Variants in PDE1C observed in about 807,000 individuals in gnomAD.
The protein encoded by PDE1C is phosphodiesterase 1C, also known as dual specificity calcium/calmodulin-dependent 3',5'-cyclic nucleotide phosphodiesterase 1C.
Under a neutral mutation model 93.1 loss-of-function variants are expected in PDE1C, and 62 were observed. That is an observed-to-expected ratio of 0.67 (90% CI 0.54 to 0.82). The LOEUF (loss-of-function observed/expected upper bound fraction) is 0.82. Ranked by LOEUF, PDE1C falls within the 40% of genes least tolerant of loss-of-function variation. The probability of loss-of-function intolerance (pLI) is 0.00; values close to 1 mark genes in which losing one functional copy is unlikely to be tolerated. For synonymous variants in PDE1C, 325 were observed against 310.1 expected, an observed-to-expected ratio of 1.05 and a Z score of -0.50; for missense variants, 742 against 884.6, an observed-to-expected ratio of 0.84 and a Z score of 2.04.
At chr7:32,172,496 C>T (rs1802713640) in intron 2 of PDE1C, among the ~76,000 whole-genome samples, 1 of 152,038 alleles carries the variant, frequency 6.6e-6, no homozygotes, top group African/African-American at 2.4e-5. Context: ...AATGAGATAC[C>T]ATCTCATGCC....
At chr7:32,337,351 C>T (rs1402436469) in intron 1 of PDE1C, among the ~76,000 whole-genome samples, 1 of 152,052 alleles carries the variant, frequency 6.6e-6, no homozygotes, top group African/African-American at 2.4e-5. Context: ...CCAACAATTA[C>T]CATACACTAG....
intron 17 of PDE1C, among the ~76,000 whole-genome samples, chr7:31,757,107 G>T (rs1398870389): frequency 6.6e-6 from 1 of 152,202 alleles, no homozygotes; most frequent in African/African-American, 2.4e-5. Flanking sequence ...TCCATTCTTA[G>T]AATATGCTAC....
intron 1 of PDE1C, among the ~76,000 whole-genome samples, chr7:32,405,253 CTTTTT>C (rs59015406): frequency 7.2e-6 from 1 of 138,880 alleles, no homozygotes. Context: ...TTTCTTTTTT[CTTTTT>C]TTTTTTTTTT....
chr7:32,197,136 C>T (rs1378135039), intron 2 of PDE1C, among the ~76,000 whole-genome samples: 1 of 152,050 alleles, frequency 6.6e-6, no homozygotes, highest in East Asian at 1.9e-4. Context: ...GGGATGCTAC[C>T]CCTTTTCTTA....
At chr7:31,902,714 G>A (rs1053177388) in intron 2 of PDE1C, among the ~76,000 whole-genome samples, 12 of 151,392 alleles carry the variant, frequency 7.9e-5, no homozygotes, top group East Asian at 7.7e-4. Context: ...AATATCACAC[G>A]ATGAAAAAAT....
chr7:32,092,991 G>A (rs1320683289), intron 3 of PDE1C, among the ~76,000 whole-genome samples: 2 of 152,222 alleles, frequency 1.3e-5, no homozygotes, highest in Non-Finnish European at 2.9e-5. Flanking sequence ...TGTCTCTAAG[G>A]TGACAGGCTA....
chr7:31,872,270 G>A (rs1243393894), intron 6 of PDE1C, among the ~76,000 whole-genome samples: 2 of 152,074 alleles, frequency 1.3e-5, no homozygotes, highest in African/African-American at 2.4e-5. Flanking sequence ...TGGTTAATGG[G>A]TACGAACATA....
intron 16 of PDE1C, chr7:31,789,230 A>G (rs1292901051): frequency 6.6e-6 from 1 of 152,128 alleles, no homozygotes; most frequent in African/African-American, 2.4e-5. Flanking sequence ...ATTTGGTCTC[A>G]AGGGGGCTGC....
intron 1 of PDE1C, among the ~76,000 whole-genome samples, chr7:32,290,759 G>A (rs1812281624): frequency 1.3e-5 from 2 of 152,176 alleles, no homozygotes; most frequent in African/African-American, 4.8e-5. Context: ...TTAACCTGCT[G>A]AGGAAATGGG....
intron 2 of PDE1C, among the ~76,000 whole-genome samples, chr7:31,954,197 G>A (rs1807811539): frequency 6.6e-6 from 1 of 152,154 alleles, no homozygotes; most frequent in Non-Finnish European, 1.5e-5. Context: ...TTGAGGTGAG[G>A]GCATGGGACT....
chr7:31,826,626 G>C (rs563170931), intron 12 of PDE1C, among the ~76,000 whole-genome samples: 2 of 152,196 alleles, frequency 1.3e-5, no homozygotes, highest in East Asian at 1.9e-4. Flanking sequence ...TCAGCTTTGC[G>C]TTCAGCCAAA....
chr7:31,642,687 T>C, the PDE1C span: 1 of 1,613,282 alleles, frequency 6.2e-7, no homozygotes, highest in Non-Finnish European at 8.5e-7. Flanking sequence ...TACAGATGCC[T>C]TCCTTGCCAA....
chr7:31,846,783 G>A (rs1298705770), intron 9 of PDE1C, among the ~76,000 whole-genome samples: 2 of 151,968 alleles, frequency 1.3e-5, no homozygotes, highest in Non-Finnish European at 2.9e-5. Flanking sequence ...CTTTTTTCCT[G>A]AAGTGGTGCA....
chr7:32,414,619 AGT>A lies in PDE1C; in HGVS notation c.310+13201_310+13202del, dbSNP rs1324688998. On this transcript the variant is annotated intron_variant, in intron 1 of 1. Transcript: ENST00000672256. ...AAGAAGTTGGCATTTGGTAGCATCAAGTATCTCCTTTCCAGCTGATCAGAATG... is the reference window on the plus strand; with the variant it reads ...AAGAAGTTGGCATTTGGTAGCATCAAATCTCCTTTCCAGCTGATCAGAATG... Among the ~76,000 whole-genome samples, 221 of 152,338 alleles carry A rather than the reference AGT, an allele frequency of 1.5e-3. 2 individuals carry two copies. The highest frequency in any genetic ancestry group is 2.6e-4 in the Non-Finnish European group (18 of 68,024).
At chr7:31,702,207 A>AT in the PDE1C span, among the ~76,000 whole-genome samples, 10,932 of 141,896 alleles carry the variant, frequency 0.077, 427 homozygotes, top group Non-Finnish European at 0.095. Flanking sequence ...ACCCTTATTT[A>AT]TTTTTTTTTT....
intron 2 of PDE1C, among the ~76,000 whole-genome samples, chr7:32,201,701 G>A (rs927227875): frequency 1.3e-5 from 2 of 152,220 alleles, no homozygotes; most frequent in African/African-American, 4.8e-5. Flanking sequence ...AGGATGTACA[G>A]TGGTAGGCCA....
chr7:32,418,958 C>CT (rs1785331295), intron 1 of PDE1C, among the ~76,000 whole-genome samples: 1 of 152,158 alleles, frequency 6.6e-6, no homozygotes, highest in Admixed American at 6.5e-5. Context: ...CTAATGGCTT[C>CT]TTTTTTCCCA....
At chr7:31,954,852 T>C (rs1807905844) in intron 2 of PDE1C, among the ~76,000 whole-genome samples, 1 of 152,170 alleles carries the variant, frequency 6.6e-6, no homozygotes, top group Non-Finnish European at 1.5e-5. Flanking sequence ...TTGATGGAAG[T>C]GATTAGAATA....
intron 1 of PDE1C, among the ~76,000 whole-genome samples, chr7:32,375,680 G>A (rs932239850): frequency 3.3e-5 from 5 of 152,226 alleles, no homozygotes; most frequent in African/African-American, 1.2e-4. Context: ...CCTTGAACCA[G>A]GGGTCACACA....
Sources: gnomAD v4.1 joint callset for allele counts (sites outside exome capture counted in the v4.1 genomes callset) on GRCh38, gnomAD v4.1.1 for gene constraint, MANE v1.5 for transcripts, NCBI Gene and HGNC (gene_info 2026-07-23, HGNC 2026-07-21) for gene names.